CNNM1: variants seen among roughly 807,000 people sequenced by gnomAD.
CNNM1 encodes metal transporter CNNM1.
A neutral mutation model predicts 78.8 loss-of-function variants in CNNM1; 44 were observed. The observed-to-expected ratio is 0.56, with a 90% confidence interval of 0.44 to 0.72. The LOEUF is 0.72. CNNM1 is among the 30% of genes least tolerant of loss of function. The pLI, the probability that CNNM1 is intolerant of heterozygous loss-of-function variation, is 0.00. For synonymous variants in CNNM1, 584 were observed against 581.5 expected, an observed-to-expected ratio of 1.00 and a Z score of -0.06; for missense variants, 1,101 against 1,292.2, an observed-to-expected ratio of 0.85 and a Z score of 2.27.
In CNNM1 at chr10:99,393,633, C is replaced by T. The variant is rs2032538961; in HGVS notation, c.*2117C>T. ...AGACAGGTTTTTAATCATAAGTGGT[C>T]TTTTCAAATGTCCATCAATTGATGG... On this transcript the variant is annotated 3_prime_UTR_variant, in exon 11 of 11. Transcript: ENST00000356713. 6.6e-6 allele frequency: 1 copy of T among 152,360 alleles called. No homozygotes were observed. Among genetic ancestry groups the T allele is most frequent in the Non-Finnish European group, 1.5e-5 (1 of 67,992 alleles). The allele number at this position is 152,360 out of a possible 1,614,324, so 9.4% of individuals were successfully genotyped here. A position where few individuals can be genotyped will look rare whatever the true frequency, so the allele number is the denominator to read the frequency against.
intron 3 of CNNM1, among the ~76,000 whole-genome samples, chr10:99,361,522 A>G (rs2134049688): frequency 6.6e-6 from 1 of 152,346 alleles, no homozygotes; most frequent in South Asian, 2.1e-4. Flanking sequence ...ACTAACTTCA[A>G]TATTTAATTA....
At chr10:99,387,776 G>T in intron 7 of CNNM1, 44 bp from the exon 8 acceptor site, 2 of 1,519,736 alleles carry the variant, frequency 1.3e-6, no homozygotes, top group Non-Finnish European at 1.8e-6. Flanking sequence ...CATCCGGGTG[G>T]TCTCTGCCTA....
rs920528589 is a variant in CNNM1, at chr10:99,388,011, A to G, written c.2524+8A>G. ...ACAGGAACAGCCTGCCGTGTAAGTC[A>G]GCTGGGCAGACGGGCAGGCTGGGCT... is the stretch of plus-strand genomic sequence containing the variant. On this transcript the variant is annotated splice_region_variant and intron_variant, in intron 8 of 10. Coordinates refer to ENST00000356713, the MANE Select transcript of CNNM1 (RefSeq NM_020348.3). 17 of 1,582,762 alleles carry G rather than the reference A, an allele frequency of 1.1e-5. No homozygotes were observed. Among genetic ancestry groups the G allele is most frequent in the African/African-American group, 1.3e-5 (1 of 74,338 alleles).
chr10:99,364,249 G>A (rs1343571726), intron 4 of CNNM1, among the ~76,000 whole-genome samples, 168 bp from the exon 5 acceptor site: 1 of 152,164 alleles, frequency 6.6e-6, no homozygotes. Flanking sequence ...ATTAAAGCTG[G>A]TGGTGCTTTC....
intron 1 of CNNM1, among the ~76,000 whole-genome samples, chr10:99,339,313 G>A (rs1227194127): frequency 6.6e-6 from 1 of 152,176 alleles, no homozygotes; most frequent in Non-Finnish European, 1.5e-5. Context: ...GGAATACAGT[G>A]GTGAGCTAGG....
chr10:99,338,479 G>A (rs61870932), intron 1 of CNNM1, among the ~76,000 whole-genome samples: 11 of 151,962 alleles, frequency 7.2e-5, no homozygotes, highest in East Asian at 1.9e-4. Context: ...AGGTTTCACC[G>A]TGTTGCCCGG....
chr10:99,350,770 A>G (rs1303621249), intron 1 of CNNM1, among the ~76,000 whole-genome samples: 2 of 152,064 alleles, frequency 1.3e-5, no homozygotes, highest in Middle Eastern at 3.4e-3. Flanking sequence ...TACATTAGCT[A>G]TTTTTCCTAA....
intron 1 of CNNM1, among the ~76,000 whole-genome samples, chr10:99,340,876 T>TGCCTGCCTGCCTGCCTGCCTG (rs2030425383): frequency 2.7e-4 from 37 of 138,256 alleles, no homozygotes; most frequent in African/African-American, 9.0e-4. Context: ...CTTCCTTCCT[T>TGCCTGCCTGCCTGCCTGCCTG]CCTGCCTGCC....
At chr10:99,366,550 A>AG (rs2031626092) in intron 6 of CNNM1, among the ~76,000 whole-genome samples, 1 of 151,794 alleles carries the variant, frequency 6.6e-6, no homozygotes, top group Non-Finnish European at 1.5e-5. Flanking sequence ...TTGGGAGGCC[A>AG]GGACGGGTGG....
At chr10:99,378,466 G>T (rs2032045680) in intron 7 of CNNM1, among the ~76,000 whole-genome samples, 1 of 152,196 alleles carries the variant, frequency 6.6e-6, no homozygotes, top group South Asian at 2.1e-4. Context: ...TCATTATTTG[G>T]AGAGGGGTGT....
Position 99,330,092 on chromosome 10 carries a change from G to T in CNNM1, c.705G>T (p.Leu235Phe). 6.5e-7 allele frequency: 1 copy of T among 1,544,732 alleles called. No homozygotes were observed. The highest frequency in any genetic ancestry group is 8.7e-7 in the Non-Finnish European group (1 of 1,153,324). The change falls in exon 1 of 11, where the codon TTG (leucine) becomes TTT (phenylalanine). Residue 235 changes from leucine to phenylalanine, a missense_variant. Around this residue, in one of 3 missense-constraint regions of CNNM1, gnomAD observed 476 missense variants for 484.5 expected, o/e 0.98. Transcript: ENST00000356713. ...TCGGGGCGCTCCTGCTGCTAGCCTTGTCGGCCCTGTTCAGCGGCCTGCGCC... is the reference window on the plus strand; with the variant it reads ...TCGGGGCGCTCCTGCTGCTAGCCTTTTCGGCCCTGTTCAGCGGCCTGCGCC... ...RALGALLLLALSALFSGLRLS... is the reference protein window; with the variant it reads ...RALGALLLLAFSALFSGLRLS...
At chr10:99,356,558 C>CAGAAAGAAA (rs1355245134) in intron 1 of CNNM1, among the ~76,000 whole-genome samples, 1 of 45,750 alleles carries the variant, frequency 2.2e-5, no homozygotes, top group Non-Finnish European at 7.0e-5. Flanking sequence ...GACAGACAGA[C>CAGAAAGAAA]AGACAGAAAG....
At chr10:99,351,403 A>G (rs758149143) in intron 1 of CNNM1, among the ~76,000 whole-genome samples, 9 of 152,210 alleles carry the variant, frequency 5.9e-5, no homozygotes, top group Non-Finnish European at 1.0e-4. Flanking sequence ...GCCATTAGGA[A>G]GTAAAGGTAG....
chr10:99,357,008 T>C (rs754551953), intron 1 of CNNM1, among the ~76,000 whole-genome samples: 10 of 152,176 alleles, frequency 6.6e-5, no homozygotes, highest in Admixed American at 3.9e-4. Context: ...CACCTCTCCG[T>C]GGGAGGCATA....
intron 1 of CNNM1, among the ~76,000 whole-genome samples, chr10:99,348,007 T>A (rs1045954247): frequency 2.0e-5 from 3 of 149,048 alleles, no homozygotes; most frequent in Non-Finnish European, 4.4e-5. Flanking sequence ...ATATATATTT[T>A]TTTATATATA....
chr10:99,342,054 C>T (rs897163992), intron 1 of CNNM1, among the ~76,000 whole-genome samples: 3 of 152,184 alleles, frequency 2.0e-5, no homozygotes, highest in East Asian at 1.9e-4. Flanking sequence ...CCTGCCCCAC[C>T]GTTCTCCACA....
Position 99,329,431 on chromosome 10 carries a change from T to C in CNNM1, c.44T>C (p.Leu15Pro). 8.6e-7 allele frequency: 1 copy of C among 1,163,856 alleles called. No homozygotes were observed. The highest frequency in any genetic ancestry group is 1.2e-6 in the Non-Finnish European group (1 of 839,910). The allele number at this position is 1,163,856 out of a possible 1,614,324, so 72.1% of individuals were successfully genotyped here. Reference sequence around the variant, plus strand: ...GCGGCAGCAGCGGTGGGTGTCAGGCTCCGGGACTGCTGCAGCCGAGGCGCT... The same window carrying C: ...GCGGCAGCAGCGGTGGGTGTCAGGCCCCGGGACTGCTGCAGCCGAGGCGCT... Reference protein sequence around the residue: ...AAAAAAVGVRLRDCCSRGAVL... With the variant: ...AAAAAAVGVRPRDCCSRGAVL... The change falls in exon 1 of 11, where the codon CTC becomes CCC. Residue 15 changes from leucine (L) to proline (P), a missense_variant. By Grantham distance (98) the Leu-to-Pro change is moderately conservative. Transcript: ENST00000356713.
chr10:99,362,726 A>G (rs950347985), intron 4 of CNNM1, among the ~76,000 whole-genome samples: 2 of 152,082 alleles, frequency 1.3e-5, no homozygotes, highest in Non-Finnish European at 2.9e-5. Flanking sequence ...TCTCTGCTTG[A>G]ACATCCCCTG....
Position 99,330,773 on chromosome 10 carries a change from T to G in CNNM1, c.1386T>G (p.Thr462=). 1 of 1,614,046 alleles carries G rather than the reference T, an allele frequency of 6.2e-7. No individual in the cohort carries two copies. The highest frequency in any genetic ancestry group is 1.7e-5 in the Admixed American group (1 of 60,014). Residue 462 remains threonine, a synonymous_variant, in exon 1 of 11, where the codon ACT becomes ACG. Transcript: ENST00000356713. ...CCGAGATCCTGCGCAGCGGCTACACTCGCATCCCAGTGTACGAGGGTGACC... is the reference window on the plus strand; with the variant it reads ...CCGAGATCCTGCGCAGCGGCTACACGCGCATCCCAGTGTACGAGGGTGACC... ...TVSEILRSGY[T]RIPVYEGDQR... is the part of the protein sequence containing the mutation.
Sources: gnomAD v4.1 joint callset for allele counts (sites outside exome capture counted in the v4.1 genomes callset) on GRCh38, gnomAD v4.1.1 for gene constraint, gnomAD v4.1.1 regional missense constraint, MANE v1.5 for transcripts, NCBI Gene and HGNC (gene_info 2026-07-23, HGNC 2026-07-21) for gene names.